The following TMEM80 variants were observed in gnomAD, a reference collection of about 807,000 sequenced individuals.
TMEM80 encodes transmembrane protein 80.
In TMEM80, 16 loss-of-function variants were observed where a neutral mutation model predicts 13.6. That is an observed-to-expected ratio of 1.17 (90% CI 0.79 to 1.78). The LOEUF (loss-of-function observed/expected upper bound fraction) is 1.78. Among genes scored for constraint, TMEM80 ranks in the 40% most tolerant of loss-of-function variants. The pLI, the probability that TMEM80 is intolerant of heterozygous loss-of-function variation, is 0.00. For synonymous variants in TMEM80, 92 were observed against 89.5 expected (o/e 1.03, Z -0.16); for missense variants, 167 against 184.6 (o/e 0.90, Z 0.55).
chr11:704,169 T>C, downstream of TMEM80: 1 of 1,086,488 alleles, frequency 9.2e-7, no homozygotes. Context: ...CCATCTCCAG[T>C]TCTCCTGCCC....
chr11:699,442 C>T (rs2133459508), intron 2 of TMEM80: 1 of 153,966 alleles, frequency 6.5e-6, no homozygotes, highest in East Asian at 1.9e-4. Flanking sequence ...AAATATATTT[C>T]CTCTGAAGAA....
intron 2 of TMEM80, 198 bp downstream of exon 2, chr11:699,086 C>T: frequency 3.0e-6 from 2 of 659,690 alleles, no homozygotes; most frequent in Non-Finnish European, 5.3e-6. Context: ...CCCCTACCTG[C>T]TCAGCCCTGC....
chr11:696,401 T>A (rs981272837), intron 1 of TMEM80, among the ~76,000 whole-genome samples: 1 of 152,272 alleles, frequency 6.6e-6, no homozygotes, highest in East Asian at 1.9e-4. Context: ...AGGTGCATTG[T>A]TTTGAAGGAA....
chr11:696,997 C>T (rs1861210445), intron 1 of TMEM80, among the ~76,000 whole-genome samples: 1 of 144,720 alleles, frequency 6.9e-6, no homozygotes, highest in Non-Finnish European at 1.5e-5. Flanking sequence ...GAGAATTGCT[C>T]GAACCCGGTG....
intron 2 of TMEM80, chr11:699,092 C>G (rs932846731): frequency 3.2e-6 from 2 of 625,734 alleles, no homozygotes; most frequent in Non-Finnish European, 5.6e-6. Context: ...CCTGCTCAGC[C>G]CTGCACAAAG....
intron 2 of TMEM80, 185 bp from the exon 3 acceptor site, chr11:699,957 G>A (rs1261727735): frequency 5.2e-6 from 3 of 573,042 alleles, no homozygotes; most frequent in Non-Finnish European, 9.4e-6. Flanking sequence ...GTCAGCTCAT[G>A]GGACCACATT....
chr11:703,011 C>T lies in TMEM80; in HGVS notation c.293C>T (p.Thr98Ile). Residue 98 changes from threonine to isoleucine, a missense_variant, in exon 5 of 5, where the codon ACC becomes ATC. Thr to Ile is a moderately conservative substitution (Grantham distance 89). Transcript: ENST00000397510. ...GCCAGCCTGGCCCTCACGGCTGGCACCGCCCTCCTCTCTGCCCACTTCCTG... is the reference window on the plus strand; with the variant it reads ...GCCAGCCTGGCCCTCACGGCTGGCATCGCCCTCCTCTCTGCCCACTTCCTG... ...LAASLALTAG[T>I]ALLSAHFLLW... The T allele has an allele frequency of 6.2e-7, 1 of 1,612,320 alleles. No individual in the cohort carries two copies. The highest frequency in any genetic ancestry group is 8.5e-7 in the Non-Finnish European group (1 of 1,179,810).
intron 4 of TMEM80, 76 bp downstream of exon 4, chr11:700,783 T>G (rs1218117641): frequency 1.5e-6 from 2 of 1,340,752 alleles, no homozygotes. Flanking sequence ...CAAGAGTAAT[T>G]ATTTTATAGT....
At chr11:701,284 ATCC>A (rs1230430825) in intron 4 of TMEM80, among the ~76,000 whole-genome samples, 1 of 151,452 alleles carries the variant, frequency 6.6e-6, no homozygotes. Context: ...GGCTTGAGCG[ATCC>A]TCCTGCCTCA....
chr11:695,701 G>A (rs966475921), upstream of TMEM80: 2 of 1,242,012 alleles, frequency 1.6e-6, no homozygotes, highest in Non-Finnish European at 2.0e-6. Context: ...TGGCTCGGAC[G>A]TCCGCTCCCG....
chr11:698,098 A>G (rs1861281225), intron 1 of TMEM80: 1 of 152,216 alleles, frequency 6.6e-6, no homozygotes. Flanking sequence ...TTTCCACCCA[A>G]TTCTAGATGT....
chr11:702,232 C>T (rs1484736461), intron 4 of TMEM80, among the ~76,000 whole-genome samples: 1 of 152,248 alleles, frequency 6.6e-6, no homozygotes, highest in Admixed American at 6.5e-5. Context: ...GCCCGGCCGT[C>T]AGTGTCTTGT....
intron 1 of TMEM80, among the ~76,000 whole-genome samples, chr11:697,065 A>G (rs1251712232): frequency 2.0e-5 from 3 of 150,640 alleles, no homozygotes; most frequent in Admixed American, 1.3e-4. Context: ...GCACCATTGC[A>G]CTGCAGCCTG....
intron 4 of TMEM80, 140 bp downstream of exon 4, chr11:700,847 C>A: frequency 1.2e-6 from 1 of 805,344 alleles, no homozygotes; most frequent in Non-Finnish European, 2.2e-6. Context: ...GCTTTGCAGG[C>A]TCACCTTACA....
At chr11:700,591 T>TCCGTCCGCGCCTCTGCTCTTCA (rs1294137799) in intron 3 of TMEM80, 24 bp from the exon 4 acceptor site, 1 of 1,602,706 alleles carries the variant, frequency 6.2e-7, no homozygotes, top group Non-Finnish European at 8.5e-7. Flanking sequence ...TTACTTATGT[T>TCCGTCCGCGCCTCTGCTCTTCA]CCGTCCGCGC....
At position 703,014 on chromosome 11, in the gene TMEM80, C is replaced by T; in HGVS notation, c.296C>T (p.Ala99Val). The T allele has an allele frequency of 6.2e-7, 1 of 1,612,496 alleles. No homozygotes were observed. The highest frequency in any genetic ancestry group is 8.5e-7 in the Non-Finnish European group (1 of 1,179,860). The change falls in exon 5 of 5, where the codon GCC (alanine) becomes GTC (valine). Residue 99 changes from alanine to valine, a missense_variant. Transcript: ENST00000397510. ...AASLALTAGT[A>V]LLSAHFLLWQ... ...AGCCTGGCCCTCACGGCTGGCACCG[C>T]CCTCCTCTCTGCCCACTTCCTGCTT...
In TMEM80 at chr11:701,380, T is replaced by G. The variant is rs114251343; in HGVS notation, c.226+673T>G. 5.4e-3 allele frequency among the ~76,000 whole-genome samples: 805 copies of G among 149,760 alleles called. 9 individuals are homozygous for G. Among genetic ancestry groups the G allele is most frequent in the East Asian group, 0.048 (244 of 5,098 alleles). On this transcript the variant is annotated intron_variant, in intron 4 of 4. Transcript: ENST00000397510. ...ATTTTGTTTTGTTTTGTTTTGTTTT[T>G]TTTTGGTAGAGACGAGACAAGGTTT...
At chr11:704,727 G>A, downstream of TMEM80, 1 of 1,144,150 alleles carries the variant, frequency 8.7e-7, no homozygotes, top group Non-Finnish European at 1.2e-6. Flanking sequence ...GGCTCCAGGT[G>A]ACCCGGAGTG....
rs1442508482 is a variant in TMEM80 at position 695,862 on chromosome 11, G to T, written c.19+16G>T. On this transcript the variant is annotated intron_variant, in intron 1 of 4. Coordinates refer to ENST00000397510, the MANE Select transcript of TMEM80 (RefSeq NM_001042463.3). Reference sequence around the variant, plus strand: ...CCGCGGCGAGGTGAGCTCGGGCGGGGTGGGGGCTTCCGGGCTTGCAGCGGC... The same window carrying T: ...CCGCGGCGAGGTGAGCTCGGGCGGGTTGGGGGCTTCCGGGCTTGCAGCGGC... 6 of 1,228,256 alleles carry T rather than the reference G, an allele frequency of 4.9e-6. No homozygotes were observed. The highest frequency in any genetic ancestry group is 3.2e-5 in the East Asian group (1 of 31,594). The allele number at this position is 1,228,256 out of a possible 1,614,324, so 76.1% of individuals were successfully genotyped here.
Sources: allele counts gnomAD v4.1 joint callset (sites outside exome capture counted in the v4.1 genomes callset), GRCh38; gene constraint gnomAD v4.1.1; transcripts MANE v1.5; gene names NCBI Gene and HGNC (gene_info 2026-07-23, HGNC 2026-07-21).